Variants in CMPK1 observed in about 807,000 individuals in gnomAD.
CMPK1 encodes the protein cytidine/uridine monophosphate kinase 1.
In CMPK1, 10 loss-of-function variants were observed where a neutral mutation model predicts 25.7. The ratio of observed to expected loss-of-function variants is 0.39; its 90% CI spans 0.24 to 0.66. The LOEUF is 0.66. Ranked by LOEUF, CMPK1 falls within the 30% of genes least tolerant of loss-of-function variation. The pLI, the probability that CMPK1 is intolerant of heterozygous loss-of-function variation, is 0.48. For synonymous variants in CMPK1, 106 were observed against 101.5 expected, an observed-to-expected ratio of 1.04 and a Z score of -0.27; for missense variants, 199 against 280.5, an observed-to-expected ratio of 0.71 and a Z score of 2.08.
chr1:47,360,408 A>C (rs555407368), intron 1 of CMPK1, among the ~76,000 whole-genome samples: 2 of 152,206 alleles, frequency 1.3e-5, no homozygotes, highest in African/African-American at 2.4e-5. Context: ...CTATTATCTG[A>C]GAAGCCATCC....
Position 47,334,111 on chromosome 1 carries a change from G to A in CMPK1, c.166G>A (p.Val56Ile). 1.3e-6 allele frequency: 2 copies of A among 1,513,064 alleles called. No homozygotes were observed. Among genetic ancestry groups the A allele is most frequent in the Non-Finnish European group, 1.8e-6 (2 of 1,127,730 alleles). 93.7% of individuals were successfully genotyped at this position (1,513,064 alleles called of 1,614,324 possible). Reference protein sequence around the residue: ...AGKGTQCARIVEKYGYTHLSA... With the variant: ...AGKGTQCARIIEKYGYTHLSA... ...CAAGGGGACCCAGTGCGCCCGCATC[G>A]TCGAGGTGAGGCCCGGGCAGCAGGC... Residue 56 changes from valine to isoleucine, a missense_variant, in exon 1 of 6, where the codon GTC becomes ATC. Val to Ile is a conservative substitution (Grantham distance 29). This residue lies in a region of CMPK1 where 140 missense variants were observed against 235.5 expected (regional missense o/e 0.59). Transcript: ENST00000371873.
intron 3 of CMPK1, among the ~76,000 whole-genome samples, chr1:47,374,572 G>A (rs549731924): frequency 4.0e-4 from 61 of 152,194 alleles, no homozygotes; most frequent in Admixed American, 1.6e-3. Context: ...ATGAAACAAA[G>A]TTTGAGGCAT....
At chr1:47,375,649 A>G (rs888781292) in intron 5 of CMPK1, among the ~76,000 whole-genome samples, 4 of 152,178 alleles carry the variant, frequency 2.6e-5, no homozygotes, top group Admixed American at 6.5e-5. Flanking sequence ...GCACTAGAAA[A>G]CTGGTATTTT....
At chr1:47,366,985 C>T (rs951552832) in intron 1 of CMPK1, among the ~76,000 whole-genome samples, 4 of 152,160 alleles carry the variant, frequency 2.6e-5, no homozygotes, top group East Asian at 1.9e-4. Context: ...CTTGGCCTCC[C>T]AAAGTGCTGG....
intron 1 of CMPK1, among the ~76,000 whole-genome samples, chr1:47,347,226 TTC>T (rs1646491628): frequency 1.4e-5 from 2 of 142,990 alleles, no homozygotes; most frequent in Admixed American, 1.4e-4. Context: ...TATTCATTCA[TTC>T]TCTCATTCAT....
chr1:47,370,864 T>C (rs942641684), intron 2 of CMPK1, among the ~76,000 whole-genome samples: 2 of 151,094 alleles, frequency 1.3e-5, no homozygotes, highest in Non-Finnish European at 2.9e-5. Context: ...GGCAGGAGAA[T>C]TGCTTGAACC....
At chr1:47,353,580 C>CT (rs1185572560) in intron 1 of CMPK1, among the ~76,000 whole-genome samples, 2 of 151,756 alleles carry the variant, frequency 1.3e-5, no homozygotes, top group South Asian at 2.1e-4. Flanking sequence ...TACTGTTTCC[C>CT]TTTTTTTTAA....
At chr1:47,373,300 G>A in intron 3 of CMPK1, 193 bp downstream of exon 3, 1 of 392,444 alleles carries the variant, frequency 2.5e-6, no homozygotes, top group East Asian at 3.9e-5. Flanking sequence ...GCCTTGTGGA[G>A]CTAAATTTTC....
At chr1:47,357,545 T>A (rs1036467888) in intron 1 of CMPK1, among the ~76,000 whole-genome samples, 1 of 149,568 alleles carries the variant, frequency 6.7e-6, no homozygotes, top group African/African-American at 2.5e-5. Context: ...AGTGCGGTGG[T>A]GTGATCTCAG....
intron 2 of CMPK1, among the ~76,000 whole-genome samples, chr1:47,370,135 T>C (rs1454149637): frequency 1.3e-5 from 2 of 150,208 alleles, no homozygotes; most frequent in African/African-American, 4.9e-5. Flanking sequence ...GCCAGGATGG[T>C]CTCCATCTCC....
At chr1:47,340,475 T>G (rs1646433468) in intron 1 of CMPK1, among the ~76,000 whole-genome samples, 1 of 152,152 alleles carries the variant, frequency 6.6e-6, no homozygotes, top group Middle Eastern at 3.2e-3. Context: ...TTGTTTACTC[T>G]CAATGAATGA....
rs755335911 is a variant in CMPK1 at position 47,333,972 on chromosome 1, G to A, written c.27G>A (p.Leu9=). 2 of 1,509,130 alleles carry A rather than the reference G, an allele frequency of 1.3e-6. No individual in the cohort carries two copies. The highest frequency in any genetic ancestry group is 8.9e-7 in the Non-Finnish European group (1 of 1,123,984). 93.5% of individuals were successfully genotyped at this position (1,509,130 alleles called of 1,614,324 possible). MLSRCRSG[L]LHVLGLSFLL... Reference sequence around the variant, plus strand: ...TGCTGAGCCGCTGCCGCAGCGGGCTGCTCCACGTCCTGGGCCTTAGCTTCC... The same window carrying A: ...TGCTGAGCCGCTGCCGCAGCGGGCTACTCCACGTCCTGGGCCTTAGCTTCC... The change falls in exon 1 of 6, where the codon CTG becomes CTA. Residue 9 remains leucine (L), a synonymous_variant. Transcript: ENST00000371873.
chr1:47,341,356 GT>G (rs1354648596), intron 1 of CMPK1, among the ~76,000 whole-genome samples: 1 of 151,980 alleles, frequency 6.6e-6, no homozygotes, highest in Non-Finnish European at 1.5e-5. Context: ...ATTCATTTGT[GT>G]TTTTTTGTTT....
At chr1:47,347,294 C>T (rs1646492535) in intron 1 of CMPK1, among the ~76,000 whole-genome samples, 1 of 151,136 alleles carries the variant, frequency 6.6e-6, no homozygotes. Context: ...ATTGCAGCCT[C>T]CAACTCCTGG....
At chr1:47,341,916 T>G (rs1646444290) in intron 1 of CMPK1, among the ~76,000 whole-genome samples, 1 of 152,034 alleles carries the variant, frequency 6.6e-6, no homozygotes, top group South Asian at 2.1e-4. Flanking sequence ...CCACTGATCC[T>G]GGCCAATTTT....
At chr1:47,357,729 C>T (rs1265393597) in intron 1 of CMPK1, among the ~76,000 whole-genome samples, 1 of 152,040 alleles carries the variant, frequency 6.6e-6, no homozygotes, top group Non-Finnish European at 1.5e-5. Context: ...AGGTGATCCA[C>T]CTGCCTCAGC....
chr1:47,359,317 TA>T (rs1001414223), intron 1 of CMPK1, among the ~76,000 whole-genome samples: 10 of 144,858 alleles, frequency 6.9e-5, no homozygotes, highest in Non-Finnish European at 9.0e-5. Context: ...ACTCCATCTC[TA>T]AAAAAAAATA....
chr1:47,361,162 C>T (rs1646598964), intron 1 of CMPK1, among the ~76,000 whole-genome samples: 1 of 151,884 alleles, frequency 6.6e-6, no homozygotes, highest in Non-Finnish European at 1.5e-5. Flanking sequence ...AGGCCGAGGC[C>T]AGTGGATCAT....
intron 1 of CMPK1, among the ~76,000 whole-genome samples, chr1:47,335,146 A>G (rs1442755180): frequency 6.6e-6 from 1 of 152,192 alleles, no homozygotes; most frequent in Non-Finnish European, 1.5e-5. Context: ...CCCTGTAACC[A>G]ACAAAAGTTT....
Sources: allele counts gnomAD v4.1 joint callset (sites outside exome capture counted in the v4.1 genomes callset), GRCh38; gene constraint gnomAD v4.1.1; regional missense constraint gnomAD v4.1.1; transcripts MANE v1.5; gene names NCBI Gene and HGNC (gene_info 2026-07-23, HGNC 2026-07-21).